Variants in NAV3 observed in about 807,000 individuals in gnomAD.
NAV3 encodes pore membrane and/or filament interacting like protein 1.
Under a neutral mutation model 244.7 loss-of-function variants are expected in NAV3, and 87 were observed. The observed-to-expected ratio is 0.36, with a 90% CI of 0.30 to 0.42. The LOEUF (loss-of-function observed/expected upper bound fraction) is 0.42, where lower values mean the gene tolerates loss of function less well. NAV3 is among the 20% of genes least tolerant of loss of function. NAV3 has a pLI of 1.00. For missense variants in NAV3, 2,663 were observed against 2,893.3 expected (o/e 0.92, Z 1.83); for synonymous variants, 1,126 against 1,042.2 (o/e 1.08, Z -1.55).
At chr12:77,985,887 C>A (rs1446072370) in intron 5 of NAV3, among the ~76,000 whole-genome samples, 5 of 152,176 alleles carry the variant, frequency 3.3e-5, no homozygotes, top group Non-Finnish European at 5.9e-5. Context: ...CATCTCCCAA[C>A]CTCATTTCTT....
chr12:77,777,409 T>A (rs1870418903), intron 2 of NAV3, among the ~76,000 whole-genome samples: 1 of 152,160 alleles, frequency 6.6e-6, no homozygotes, highest in Admixed American at 6.5e-5. Flanking sequence ...GGAGTAGGCA[T>A]TGTGACATGT....
chr12:77,734,320 T>G (rs1437082575), intron 2 of NAV3, among the ~76,000 whole-genome samples: 1 of 152,074 alleles, frequency 6.6e-6, no homozygotes, highest in Non-Finnish European at 1.5e-5. Flanking sequence ...TGCACACTTT[T>G]AAATCTTTAT....
intron 2 of NAV3, among the ~76,000 whole-genome samples, chr12:77,764,392 C>T (rs571589919): frequency 2.0e-5 from 3 of 152,198 alleles, no homozygotes; most frequent in South Asian, 2.1e-4. Context: ...TTTACAGAAC[C>T]CTGGCCATCT....
chr12:77,983,632 A>G (rs1403021715), intron 5 of NAV3, among the ~76,000 whole-genome samples: 1 of 152,162 alleles, frequency 6.6e-6, no homozygotes, highest in Non-Finnish European at 1.5e-5. Flanking sequence ...AACAATAGAA[A>G]TGGAAGAAAT....
rs1475134153 is a variant in NAV3 at position 78,212,445 on chromosome 12, G to C, written c.*1928G>C. The C allele has an allele frequency of 6.6e-6, 1 of 152,582 alleles. No homozygotes were observed. Among genetic ancestry groups the C allele is most frequent in the East Asian group, 1.9e-4 (1 of 5,192 alleles). 9.5% of individuals were successfully genotyped at this position (152,582 alleles called of 1,614,324 possible). A position where few individuals can be genotyped will look rare whatever the true frequency, so the allele number is the denominator to read the frequency against. ...TTTCAGAGTGTCACAAAGTCAATAG[G>C]TCCTTACACGGTGCTATTGCCCTAA... is the stretch of plus-strand genomic sequence containing the variant. On this transcript the variant is annotated 3_prime_UTR_variant, in exon 40 of 40. Transcript: ENST00000397909.
intron 19 of NAV3, among the ~76,000 whole-genome samples, chr12:78,137,817 T>C (rs929499287): frequency 6.6e-6 from 1 of 152,182 alleles, no homozygotes; most frequent in Non-Finnish European, 1.5e-5. Context: ...AGAATTCATA[T>C]TGTACCTACT....
At chr12:78,061,539 G>A (rs910813789) in intron 12 of NAV3, among the ~76,000 whole-genome samples, 1 of 152,042 alleles carries the variant, frequency 6.6e-6, no homozygotes, top group African/African-American at 2.4e-5. Context: ...AAAGGTCATA[G>A]TATAAATCCT....
intron 1 of NAV3, among the ~76,000 whole-genome samples, chr12:77,908,997 C>T (rs1350424171): frequency 6.6e-6 from 1 of 152,026 alleles, no homozygotes; most frequent in Non-Finnish European, 1.5e-5. Flanking sequence ...TCACCCTGCT[C>T]ATGCTACTTA....
chr12:77,661,565 C>A (rs984850162), intron 2 of NAV3, among the ~76,000 whole-genome samples: 7 of 152,006 alleles, frequency 4.6e-5, no homozygotes, highest in Admixed American at 6.6e-5. Flanking sequence ...TTCAGTTTAA[C>A]CATTTGTTTC....
chr12:77,591,297 G>A (rs950325570), intron 2 of NAV3, among the ~76,000 whole-genome samples: 1 of 152,074 alleles, frequency 6.6e-6, no homozygotes, highest in Non-Finnish European at 1.5e-5. Context: ...ATATTCATCT[G>A]TTTTATTTAC....
intron 6 of NAV3, among the ~76,000 whole-genome samples, chr12:77,996,078 T>G (rs554394717): frequency 6.6e-6 from 1 of 152,318 alleles, no homozygotes; most frequent in African/African-American, 2.4e-5. Context: ...ATCATTTGAC[T>G]TCATGGGTTG....
intron 2 of NAV3, among the ~76,000 whole-genome samples, chr12:77,642,793 A>G (rs1592532517): frequency 1.3e-5 from 2 of 152,096 alleles, no homozygotes; most frequent in East Asian, 3.9e-4. Context: ...CTTTGGTTAT[A>G]TCTTATTAAT....
At chr12:77,588,420 A>G (rs1869739706) in intron 2 of NAV3, among the ~76,000 whole-genome samples, 1 of 152,086 alleles carries the variant, frequency 6.6e-6, no homozygotes, top group Non-Finnish European at 1.5e-5. Context: ...CACCCAACCA[A>G]TAAGTATTTA....
At chr12:77,785,460 G>A (rs1481799760) in intron 2 of NAV3, among the ~76,000 whole-genome samples, 1 of 152,056 alleles carries the variant, frequency 6.6e-6, no homozygotes, top group Admixed American at 6.6e-5. Context: ...TTCCTAAGAG[G>A]CATTAAGGTG....
chr12:77,721,377 C>CA lies in NAV3; in HGVS notation c.72+149120dup, dbSNP rs541891157. Among the ~76,000 whole-genome samples, 44 of 149,340 alleles carry CA rather than the reference C, an allele frequency of 2.9e-4. No homozygotes were observed. In the South Asian group the frequency reaches 3.2e-3, roughly 11 times the overall value. ...TTTTTCCTAAGTATAATGAGCACAG[C>CA]AAAAAAAAAGCGTATTGAAAAATCT... On this transcript the variant is annotated intron_variant, in intron 2 of 8. Transcript: ENST00000550042.
At chr12:78,152,630 A>C (rs996333449) in intron 22 of NAV3, among the ~76,000 whole-genome samples, 2 of 151,960 alleles carry the variant, frequency 1.3e-5, no homozygotes, top group African/African-American at 4.8e-5. Flanking sequence ...TGCTGTGTTT[A>C]AATTTCATTC....
chr12:77,574,879 G>A (rs1869005172), intron 2 of NAV3, among the ~76,000 whole-genome samples: 1 of 151,948 alleles, frequency 6.6e-6, no homozygotes, highest in Non-Finnish European at 1.5e-5. Context: ...TGTCAGGGAT[G>A]AGGTTGGTCA....
intron 1 of NAV3, among the ~76,000 whole-genome samples, chr12:77,843,570 T>C (rs150063973): frequency 0.011 from 1,656 of 152,106 alleles, 27 homozygotes; most frequent in African/African-American, 0.038. Flanking sequence ...TCTTTTTAGG[T>C]TCTTTTTAGG....
chr12:77,604,348 T>G (rs1870575143), intron 2 of NAV3, among the ~76,000 whole-genome samples: 1 of 151,866 alleles, frequency 6.6e-6, no homozygotes, highest in African/African-American at 2.4e-5. Context: ...TCTAGGAAAG[T>G]AAGTGTAGTT....
Sources: gnomAD v4.1 joint callset for allele counts (sites outside exome capture counted in the v4.1 genomes callset) on GRCh38, gnomAD v4.1.1 for gene constraint, MANE v1.5 for transcripts, NCBI Gene and HGNC (gene_info 2026-07-23, HGNC 2026-07-21) for gene names.